Variants in TMEM161B observed in about 807,000 individuals in gnomAD.
TMEM161B encodes transmembrane protein 161B.
In TMEM161B, 34 loss-of-function variants were observed where a neutral mutation model predicts 61.8. The observed-to-expected ratio is 0.55, with a 90% CI of 0.42 to 0.73. The LOEUF is 0.73. Among genes scored for constraint, TMEM161B ranks in the 30% least tolerant of loss-of-function variants. The pLI, the probability that TMEM161B is intolerant of heterozygous loss-of-function variation, is 0.00. For missense variants in TMEM161B, 456 were observed against 558.5 expected, an observed-to-expected ratio of 0.82 and a Z score of 1.85; for synonymous variants, 167 against 192.8, an observed-to-expected ratio of 0.87 and a Z score of 1.11.
At chr5:88,219,992 A>G (rs202115545) in intron 5 of TMEM161B, among the ~76,000 whole-genome samples, 86 of 150,428 alleles carry the variant, frequency 5.7e-4, no homozygotes, top group African/African-American at 1.8e-3. Context: ...TTTCCATGGG[A>G]AAAAAAAAAA....
chr5:88,193,104 A>C (rs1340830430), downstream of TMEM161B, among the ~76,000 whole-genome samples: 1 of 152,176 alleles, frequency 6.6e-6, no homozygotes, highest in Non-Finnish European at 1.5e-5. Context: ...TCTGGGAAAA[A>C]TACTGATATA....
chr5:88,250,753 T>A (rs754006443), intron 1 of TMEM161B: 1 of 152,210 alleles, frequency 6.6e-6, no homozygotes, highest in Non-Finnish European at 1.5e-5. Context: ...GTATCAGAGA[T>A]GGCCCTCAGT....
intron 6 of TMEM161B, among the ~76,000 whole-genome samples, chr5:88,206,743 A>C (rs1372000163): frequency 6.6e-6 from 1 of 152,134 alleles, no homozygotes; most frequent in Non-Finnish European, 1.5e-5. Context: ...ATTTGCATTA[A>C]TTCTTCAACT....
chr5:88,225,681 A>G (rs984213574), intron 4 of TMEM161B, 88 bp downstream of exon 4: 3 of 795,900 alleles, frequency 3.8e-6, no homozygotes, highest in Admixed American at 5.1e-5. Flanking sequence ...TATTCTCTAT[A>G]ATGGACTTAA....
intron 4 of TMEM161B, chr5:88,221,631 C>T (rs1425586793): frequency 2.4e-5 from 11 of 450,700 alleles, no homozygotes; most frequent in East Asian, 2.1e-4. Context: ...TAAGAGTTTA[C>T]ATTGAAATTA....
chr5:88,245,299 A>G (rs1196803033), intron 1 of TMEM161B, among the ~76,000 whole-genome samples: 1 of 151,822 alleles, frequency 6.6e-6, no homozygotes, highest in African/African-American at 2.4e-5. Context: ...TGAATTTACT[A>G]TCCTATTTTC....
intron 5 of TMEM161B, among the ~76,000 whole-genome samples, chr5:88,215,065 C>T (rs150429067): frequency 6.6e-6 from 1 of 152,138 alleles, no homozygotes. Context: ...AACAAAATGA[C>T]CATGGAAGTT....
At chr5:88,244,959 GA>G (rs1753372620) in intron 1 of TMEM161B, among the ~76,000 whole-genome samples, 1 of 151,830 alleles carries the variant, frequency 6.6e-6, no homozygotes, top group Non-Finnish European at 1.5e-5. Flanking sequence ...TGATGTATAG[GA>G]ATGCTACTGA....
intron 5 of TMEM161B, among the ~76,000 whole-genome samples, chr5:88,209,701 C>T (rs1448620856): frequency 6.6e-6 from 1 of 152,116 alleles, no homozygotes; most frequent in Non-Finnish European, 1.5e-5. Context: ...CATTAGAACA[C>T]CATCTCCCAA....
At chr5:88,193,363 T>C (rs1749159353), downstream of TMEM161B, among the ~76,000 whole-genome samples, 1 of 152,130 alleles carries the variant, frequency 6.6e-6, no homozygotes, top group South Asian at 2.1e-4. Context: ...GACTAAAGTA[T>C]AACATACAAA....
exon 13 of TMEM161B, chr5:88,189,951 A>T (rs1356096194): frequency 3.1e-6 from 2 of 644,124 alleles, no homozygotes; most frequent in Non-Finnish European, 5.6e-6. Context: ...TTTCCATGTG[A>T]TCCCCAGTAC....
intron 5 of TMEM161B, among the ~76,000 whole-genome samples, chr5:88,213,401 G>T (rs1014533911): frequency 6.6e-6 from 1 of 151,832 alleles, no homozygotes; most frequent in Non-Finnish European, 1.5e-5. Context: ...CAGAGAAAAA[G>T]AACCTAAAAT....
intron 1 of TMEM161B, among the ~76,000 whole-genome samples, chr5:88,263,340 C>T (rs1239328772): frequency 1.3e-5 from 2 of 152,014 alleles, no homozygotes; most frequent in East Asian, 3.9e-4. Flanking sequence ...AAATGAGGGC[C>T]GAGATTGTCT....
rs1561312642 is a variant in TMEM161B, at chr5:88,203,793, ATATATATATATATATATATAT to A, written c.801-739_801-719del. ...TATATATATATATATATATATATAT[ATATATATATATATATATATAT>A]AATTTGCATTACTCCTGACAAGGCA... On this transcript the variant is annotated intron_variant, in intron 8 of 11. Transcript: ENST00000296595. Among the ~76,000 whole-genome samples, 117 of 30,866 alleles carry A rather than the reference ATATATATATATATATATATAT, an allele frequency of 3.8e-3. 3 individuals are homozygous for A. Among genetic ancestry groups the A allele is most frequent in the Admixed American group, 8.4e-3 (20 of 2,390 alleles). 20.2% of individuals were successfully genotyped at this position (30,866 alleles called of 152,430 possible). A position where few individuals can be genotyped will look rare whatever the true frequency, so the allele number is the denominator to read the frequency against.
At chr5:88,244,058 A>G (rs1453721838) in intron 1 of TMEM161B, among the ~76,000 whole-genome samples, 6 of 151,892 alleles carry the variant, frequency 4.0e-5, no homozygotes, top group Non-Finnish European at 8.8e-5. Context: ...ATAGTTTGCA[A>G]ATATTTTCTC....
chr5:88,239,342 G>A (rs189998083), intron 2 of TMEM161B, among the ~76,000 whole-genome samples: 6 of 151,968 alleles, frequency 3.9e-5, no homozygotes, highest in East Asian at 1.9e-4. Flanking sequence ...TTAGAAACAC[G>A]CAATTCTCAA....
intron 1 of TMEM161B, among the ~76,000 whole-genome samples, chr5:88,246,453 T>C (rs536785434): frequency 1.3e-5 from 2 of 151,936 alleles, no homozygotes; most frequent in Admixed American, 1.3e-4. Context: ...TAGAGAATTA[T>C]ATGTATTATC....
intron 9 of TMEM161B, chr5:88,202,235 C>CT (rs768585876): frequency 4.8e-5 from 20 of 418,602 alleles, no homozygotes; most frequent in Non-Finnish European, 7.2e-5. Flanking sequence ...TTCTATTACT[C>CT]TAACAGTTCT....
chr5:88,241,816 G>A (rs1752788694), intron 1 of TMEM161B, among the ~76,000 whole-genome samples: 1 of 151,586 alleles, frequency 6.6e-6, no homozygotes, highest in African/African-American at 2.4e-5. Context: ...TCTCCACTCG[G>A]TAGAGGACAT....
Sources: allele counts gnomAD v4.1 joint callset (sites outside exome capture counted in the v4.1 genomes callset), GRCh38; gene constraint gnomAD v4.1.1; transcripts MANE v1.5; gene names NCBI Gene and HGNC (gene_info 2026-07-23, HGNC 2026-07-21).